The following RNF180 variants were observed in gnomAD, a reference collection of about 807,000 sequenced individuals.
The protein encoded by RNF180 is E3 ubiquitin-protein ligase RNF180.
RNF180 carries 38 observed loss-of-function variants against 59.2 expected under a neutral mutation model. The observed-to-expected ratio is 0.64, with a 90% CI of 0.50 to 0.84. RNF180 has a LOEUF of 0.84. Among genes scored for constraint, RNF180 ranks in the 40% least tolerant of loss-of-function variants. The probability of loss-of-function intolerance (pLI) is 0.00; values close to 1 mark genes in which losing one functional copy is unlikely to be tolerated. For synonymous variants in RNF180, 262 were observed against 240.3 expected, an observed-to-expected ratio of 1.09 and a Z score of -0.84; for missense variants, 705 against 700.9, an observed-to-expected ratio of 1.01 and a Z score of -0.07.
intron 5 of RNF180, among the ~76,000 whole-genome samples, chr5:64,256,462 C>CAG (rs1440046697): frequency 6.6e-6 from 1 of 152,128 alleles, no homozygotes; most frequent in Non-Finnish European, 1.5e-5. Flanking sequence ...ATAGGGAATC[C>CAG]TTTCCCCATT....
chr5:64,287,394 C>A (rs1742343876), intron 5 of RNF180, among the ~76,000 whole-genome samples: 1 of 152,112 alleles, frequency 6.6e-6, no homozygotes, highest in African/African-American at 2.4e-5. Context: ...CCAATTAATT[C>A]TCAGAATGAG....
intron 5 of RNF180, among the ~76,000 whole-genome samples, chr5:64,246,932 C>G (rs912155939): frequency 5.3e-5 from 8 of 152,166 alleles, no homozygotes; most frequent in Admixed American, 5.2e-4. Context: ...AGCTTCATCC[C>G]TGGGATGCAA....
intron 7 of RNF180, among the ~76,000 whole-genome samples, chr5:64,339,679 C>G (rs988408115): frequency 6.6e-6 from 1 of 150,434 alleles, no homozygotes; most frequent in Non-Finnish European, 1.5e-5. Flanking sequence ...CCTTTGGCTT[C>G]ACAAAATTAG....
chr5:64,363,846 C>A (rs1746349115), intron 7 of RNF180, among the ~76,000 whole-genome samples: 1 of 151,666 alleles, frequency 6.6e-6, no homozygotes, highest in Non-Finnish European at 1.5e-5. Flanking sequence ...CTTTTTGTGG[C>A]AATTGTGAAT....
chr5:64,371,377 A>T lies in RNF180; in HGVS notation c.*1563A>T, dbSNP rs1489204391. 2 of 151,632 alleles carry T rather than the reference A, an allele frequency of 1.3e-5. No homozygotes were observed. Among genetic ancestry groups the T allele is most frequent in the Admixed American group, 1.3e-4 (2 of 15,164 alleles). The allele number at this position is 151,632 out of a possible 1,614,324, so 9.4% of individuals were successfully genotyped here. On this transcript the variant is annotated 3_prime_UTR_variant, in exon 8 of 8. Coordinates refer to ENST00000389100, the MANE Select transcript of RNF180 (RefSeq NM_001113561.2). Reference sequence around the variant, plus strand: ...AAACACACATATGAGGAGTTGCATTATTTTAAGAACTTTAAATTGCAGCCA... The same window carrying T: ...AAACACACATATGAGGAGTTGCATTTTTTTAAGAACTTTAAATTGCAGCCA...
chr5:64,237,728 A>T (rs1742528789), intron 5 of RNF180, among the ~76,000 whole-genome samples: 1 of 152,058 alleles, frequency 6.6e-6, no homozygotes, highest in Admixed American at 6.6e-5. Flanking sequence ...TGATTGGATC[A>T]TGGGGGTGGA....
intron 1 of RNF180, among the ~76,000 whole-genome samples, chr5:64,195,227 G>A (rs139537356): frequency 6.6e-5 from 10 of 152,254 alleles, no homozygotes; most frequent in Non-Finnish European, 4.4e-5. Flanking sequence ...TGGGGGTAGA[G>A]TGTCTTCTAG....
intron 2 of RNF180, among the ~76,000 whole-genome samples, chr5:64,209,978 T>A (rs1657368286): frequency 1.3e-5 from 2 of 152,142 alleles, no homozygotes; most frequent in Admixed American, 6.6e-5. Context: ...CCCAAGTTTC[T>A]TTAAAAATTT....
At chr5:64,278,015 C>T (rs1280330461) in intron 5 of RNF180, among the ~76,000 whole-genome samples, 1 of 152,088 alleles carries the variant, frequency 6.6e-6, no homozygotes, top group Non-Finnish European at 1.5e-5. Context: ...TTTGTTTTGC[C>T]TTAATCAGTA....
chr5:64,241,190 G>T (rs762559065), intron 5 of RNF180, among the ~76,000 whole-genome samples: 1 of 152,124 alleles, frequency 6.6e-6, no homozygotes, highest in Non-Finnish European at 1.5e-5. Flanking sequence ...CCTATTTCCA[G>T]CCTCCTTCTT....
chr5:64,353,787 T>A (rs1745911389), intron 7 of RNF180, among the ~76,000 whole-genome samples: 1 of 151,788 alleles, frequency 6.6e-6, no homozygotes, highest in Non-Finnish European at 1.5e-5. Flanking sequence ...GCTGACCGCA[T>A]AGAATGAAGC....
chr5:64,294,646 C>T (rs1742792985), intron 5 of RNF180, among the ~76,000 whole-genome samples: 1 of 152,164 alleles, frequency 6.6e-6, no homozygotes, highest in Non-Finnish European at 1.5e-5. Flanking sequence ...TCTCCCTCTT[C>T]CCACAGAATA....
At chr5:64,173,285 C>T (rs1177899656) in intron 1 of RNF180, among the ~76,000 whole-genome samples, 2 of 152,030 alleles carry the variant, frequency 1.3e-5, no homozygotes, top group Non-Finnish European at 2.9e-5. Context: ...AATGTATATA[C>T]AATTTTTGTT....
chr5:64,294,776 G>A lies in RNF180; in HGVS notation c.1228-30410G>A, dbSNP rs1346306241. On this transcript the variant is annotated intron_variant, in intron 5 of 7. Coordinates refer to ENST00000389100, the MANE Select transcript of RNF180 (RefSeq NM_001113561.2). ...TACTGATGAATTATATTGTATGACT[G>A]TCTCTTTTTTTGCTGTAAACTTTAC... is the stretch of plus-strand genomic sequence containing the variant. 2.6e-5 allele frequency among the ~76,000 whole-genome samples: 4 copies of A among 152,172 alleles called. No individual in the cohort carries two copies. In the East Asian group the frequency reaches 7.7e-4, roughly 29 times the overall value.
chr5:64,223,441 C>T (rs1741476754), intron 5 of RNF180, among the ~76,000 whole-genome samples: 1 of 152,176 alleles, frequency 6.6e-6, no homozygotes. Flanking sequence ...TTCTGCCTGC[C>T]TCACCTTTCT....
Position 64,268,228 on chromosome 5 carries a change from T to A in RNF180, c.1227+50832T>A, listed in dbSNP as rs191250526. Among the ~76,000 whole-genome samples, 4 of 152,262 alleles carry A rather than the reference T, an allele frequency of 2.6e-5. No individual in the cohort carries two copies. In the East Asian group the frequency reaches 5.8e-4, roughly 22 times the overall value. On this transcript the variant is annotated intron_variant, in intron 5 of 7. Coordinates refer to ENST00000389100, the MANE Select transcript of RNF180 (RefSeq NM_001113561.2). ...TTAGACAGTTCCTACCTTATTTGGG[T>A]TTTACTTTACAATAGACACAGCAGC...
At chr5:64,281,866 T>C (rs939684295) in intron 5 of RNF180, among the ~76,000 whole-genome samples, 19 of 152,180 alleles carry the variant, frequency 1.2e-4, no homozygotes, top group African/African-American at 4.3e-4. Context: ...GATGATCATG[T>C]GGTTTTTCCT....
chr5:64,188,905 A>T (rs1447481218), intron 1 of RNF180, among the ~76,000 whole-genome samples: 1 of 152,124 alleles, frequency 6.6e-6, no homozygotes, highest in Middle Eastern at 3.2e-3. Context: ...TCCCAATGTG[A>T]CTATATTTGG....
At chr5:64,320,200 A>G (rs990153250) in intron 5 of RNF180, among the ~76,000 whole-genome samples, 2 of 152,204 alleles carry the variant, frequency 1.3e-5, no homozygotes, top group African/African-American at 4.8e-5. Flanking sequence ...ATAACCTGCT[A>G]AATTGTTGGC....
Sources: gnomAD v4.1 joint callset for allele counts (sites outside exome capture counted in the v4.1 genomes callset) on GRCh38, gnomAD v4.1.1 for gene constraint, MANE v1.5 for transcripts, NCBI Gene and HGNC (gene_info 2026-07-23, HGNC 2026-07-21) for gene names.